The following PLXDC2 variants were observed in gnomAD, a reference collection of about 807,000 sequenced individuals.
PLXDC2 encodes plexin domain-containing protein 2.
Under a neutral mutation model 68.9 loss-of-function variants are expected in PLXDC2, and 40 were observed. That is an observed-to-expected ratio of 0.58 (90% CI 0.45 to 0.76). PLXDC2 has a LOEUF of 0.76. PLXDC2 is among the 30% of genes least tolerant of loss of function. The pLI, the probability that PLXDC2 is intolerant of heterozygous loss-of-function variation, is 0.00. For missense variants in PLXDC2, 644 were observed against 661.9 expected (o/e 0.97, Z 0.30); for synonymous variants, 243 against 234.2 (o/e 1.04, Z -0.34).
At chr10:20,213,766 G>A (rs1359747564) in intron 10 of PLXDC2, among the ~76,000 whole-genome samples, 3 of 152,028 alleles carry the variant, frequency 2.0e-5, no homozygotes, top group South Asian at 4.1e-4. Flanking sequence ...TGTACAAAGG[G>A]TCTATGTGTG....
At chr10:20,073,079 G>A (rs1428031055) in intron 4 of PLXDC2, among the ~76,000 whole-genome samples, 1 of 152,170 alleles carries the variant, frequency 6.6e-6, no homozygotes, top group African/African-American at 2.4e-5. Flanking sequence ...GGAGTTTTAA[G>A]TAGAAACACA....
chr10:19,829,025 G>A (rs1836629824), intron 1 of PLXDC2, among the ~76,000 whole-genome samples: 3 of 152,070 alleles, frequency 2.0e-5, no homozygotes, highest in African/African-American at 4.8e-5. Context: ...CATGCTGAAG[G>A]TATCTGGTCC....
At chr10:20,136,887 T>C (rs970218100) in intron 4 of PLXDC2, among the ~76,000 whole-genome samples, 2 of 152,198 alleles carry the variant, frequency 1.3e-5, no homozygotes, top group East Asian at 3.8e-4. Flanking sequence ...TATAGCTTCT[T>C]TGTGCATCCT....
chr10:19,876,134 C>A (rs1043025491), intron 1 of PLXDC2, among the ~76,000 whole-genome samples: 3 of 151,820 alleles, frequency 2.0e-5, no homozygotes, highest in Non-Finnish European at 4.4e-5. Flanking sequence ...CACTATGGGT[C>A]TGGGAGAGTA....
intron 1 of PLXDC2, among the ~76,000 whole-genome samples, chr10:19,875,357 TGTAATAGAATGCTATG>T (rs1346462010): frequency 6.6e-6 from 1 of 152,182 alleles, no homozygotes; most frequent in Non-Finnish European, 1.5e-5. Context: ...GCATCATGGA[TGTAATAGAATGCTATG>T]GTTTTTATTC....
rs577261525 is a variant in PLXDC2 at position 20,166,144 on chromosome 10, A to G, written c.883+1577A>G. On this transcript the variant is annotated intron_variant, in intron 7 of 13. Coordinates refer to ENST00000377252, the MANE Select transcript of PLXDC2 (RefSeq NM_032812.9). ...GAGGTGATTATACTTAATTATGTCA[A>G]CTCTCAACTGTAGACAGCAACTGGA... Among the ~76,000 whole-genome samples the G allele has an allele frequency of 4.6e-5, 7 of 152,148 alleles. No individual in the cohort carries two copies. In the South Asian group the frequency reaches 1.0e-3, roughly 23 times the overall value.
At chr10:19,882,961 CTT>C (rs759825985) in intron 1 of PLXDC2, among the ~76,000 whole-genome samples, 2 of 128,318 alleles carry the variant, frequency 1.6e-5, no homozygotes, top group Non-Finnish European at 3.4e-5. Flanking sequence ...TCCTTTCTTT[CTT>C]TTTTTTTTTT....
chr10:20,044,546 G>A (rs1466887219), intron 2 of PLXDC2, among the ~76,000 whole-genome samples: 4 of 151,852 alleles, frequency 2.6e-5, no homozygotes, highest in Non-Finnish European at 4.4e-5. Context: ...CTGACCTCAG[G>A]TGATCCACCC....
chr10:19,874,449 G>A (rs1030413872), intron 1 of PLXDC2, among the ~76,000 whole-genome samples: 5 of 152,074 alleles, frequency 3.3e-5, no homozygotes, highest in Non-Finnish European at 7.3e-5. Flanking sequence ...GCTCAACCTC[G>A]GCTGGTCATT....
intron 1 of PLXDC2, among the ~76,000 whole-genome samples, chr10:19,917,883 A>G (rs1208689001): frequency 1.3e-5 from 2 of 152,182 alleles, no homozygotes; most frequent in African/African-American, 4.8e-5. Flanking sequence ...AATCATGATC[A>G]GTTTTTCCTC....
chr10:20,266,550 C>T (rs549929323), intron 13 of PLXDC2, among the ~76,000 whole-genome samples: 1 of 152,086 alleles, frequency 6.6e-6, no homozygotes, highest in Non-Finnish European at 1.5e-5. Context: ...TTTAGGATAA[C>T]TGAAAATTTA....
chr10:20,262,749 C>T (rs952158826), intron 13 of PLXDC2, among the ~76,000 whole-genome samples: 8 of 152,238 alleles, frequency 5.3e-5, no homozygotes, highest in African/African-American at 1.7e-4. Context: ...TCTGAAAAAT[C>T]TGAGGTGGCT....
intron 1 of PLXDC2, among the ~76,000 whole-genome samples, chr10:19,975,043 A>C (rs921780861): frequency 1.3e-5 from 2 of 152,330 alleles, no homozygotes; most frequent in East Asian, 3.9e-4. Context: ...CCCACTTCCC[A>C]GAGGCAACTG....
intron 2 of PLXDC2, among the ~76,000 whole-genome samples, chr10:20,026,752 TCTA>T (rs1476851393): frequency 6.6e-6 from 1 of 150,878 alleles, no homozygotes; most frequent in Non-Finnish European, 1.5e-5. Flanking sequence ...ATAATCTCTT[TCTA>T]CTAAGTCTTA....
intron 2 of PLXDC2, among the ~76,000 whole-genome samples, chr10:20,038,804 T>C (rs1173720665): frequency 9.2e-5 from 14 of 152,132 alleles, no homozygotes; most frequent in Admixed American, 9.2e-4. Context: ...CACACCTCAC[T>C]CCCTATAGGT....
chr10:20,207,514 C>T (rs1008528778), intron 9 of PLXDC2, among the ~76,000 whole-genome samples: 1 of 152,142 alleles, frequency 6.6e-6, no homozygotes, highest in African/African-American at 2.4e-5. Flanking sequence ...ACGATCTGTT[C>T]CATTGAATTA....
chr10:19,985,407 A>G (rs1018209269), intron 1 of PLXDC2, among the ~76,000 whole-genome samples: 3 of 152,206 alleles, frequency 2.0e-5, no homozygotes, highest in African/African-American at 4.8e-5. Context: ...TTTCTATAGT[A>G]GAGATTATTG....
At chr10:19,998,466 T>G (rs2131634911) in intron 1 of PLXDC2, among the ~76,000 whole-genome samples, 1 of 152,292 alleles carries the variant, frequency 6.6e-6, no homozygotes, top group Middle Eastern at 3.4e-3. Context: ...ATAATAGGAT[T>G]TCCTCTATGC....
intron 1 of PLXDC2, among the ~76,000 whole-genome samples, chr10:19,830,740 G>GT (rs11408354): frequency 0.37 from 54,903 of 148,972 alleles, 10,115 homozygotes; most frequent in East Asian, 0.48. Context: ...AAAAGAGAAG[G>GT]TTTTTTTTTT....
Sources: allele counts gnomAD v4.1 joint callset (sites outside exome capture counted in the v4.1 genomes callset), GRCh38; gene constraint gnomAD v4.1.1; transcripts MANE v1.5; gene names NCBI Gene and HGNC (gene_info 2026-07-23, HGNC 2026-07-21).